Variants in PAK4 observed in about 807,000 individuals in gnomAD.
PAK4 encodes the protein p21 (RAC1) activated kinase 4, also known as serine/threonine-protein kinase PAK 4.
A neutral mutation model predicts 53.5 loss-of-function variants in PAK4; 49 were observed. The observed-to-expected ratio is 0.92, with a 90% CI of 0.73 to 1.16. The LOEUF is 1.16. Ranked by LOEUF, PAK4 falls within the 50% of genes most tolerant of loss-of-function variation. The pLI, the probability that PAK4 is intolerant of heterozygous loss-of-function variation, is 0.00. For missense variants in PAK4, 824 were observed against 850.7 expected (o/e 0.97, Z 0.39); for synonymous variants, 376 against 375.6 (o/e 1.00, Z -0.01).
chr19:39,146,608 G>C (rs1435996750), intron 1 of PAK4, among the ~76,000 whole-genome samples: 1 of 152,196 alleles, frequency 6.6e-6, no homozygotes, highest in Non-Finnish European at 1.5e-5. Context: ...GGGAGGCCAA[G>C]GCAGGAGGAT....
chr19:39,147,059 TTGTCAATTG>T (rs2074011547), intron 1 of PAK4, among the ~76,000 whole-genome samples: 1 of 24,774 alleles, frequency 4.0e-5, no homozygotes, highest in African/African-American at 1.2e-4. Flanking sequence ...GACACTGTCA[TTGTCAATTG>T]ACAATTGTCA....
rs986556945 is a variant in PAK4, at chr19:39,173,227, G to A, written c.514G>A (p.Glu172Lys). ...CAGGGAGGGCTCAGGGGGTCCCCAG[G>A]AGTCCTCCCGGGACAAACGCCCCCT... is the stretch of plus-strand genomic sequence containing the variant. Residue 172 changes from glutamate (E) to lysine (K), a missense_variant, in exon 3 of 9, where the codon GAG (glutamate) becomes AAG (lysine). Coordinates refer to ENST00000358301, the Ensembl canonical transcript of PAK4. The surrounding 1 kb of genome is among the most constrained non-coding windows in gnomAD (Gnocchi z 6.9). 6.4e-7 allele frequency: 1 copy of A among 1,566,806 alleles called. No individual in the cohort carries two copies. Among genetic ancestry groups the A allele is most frequent in the Non-Finnish European group, 8.7e-7 (1 of 1,155,928 alleles).
At chr19:39,174,165 C>T (rs1034485664) in intron 4 of PAK4, among the ~76,000 whole-genome samples, 155 bp downstream of exon 5, 10 of 151,400 alleles carry the variant, frequency 6.6e-5, no homozygotes, top group Non-Finnish European at 1.0e-4. Flanking sequence ...CTCGTCCGCC[C>T]CAGCTGGGTC....
chr19:39,145,630 G>A (rs549294730), intron 1 of PAK4, among the ~76,000 whole-genome samples: 71 of 152,302 alleles, frequency 4.7e-4, no homozygotes, highest in African/African-American at 1.3e-3. Context: ...AGTTACAGCC[G>A]TGATGTGAAG....
rs1366874717 is a variant in PAK4 at position 39,155,727 on chromosome 19, C to T, written c.-22-13805C>T. Among the ~76,000 whole-genome samples, 4 of 152,128 alleles carry T rather than the reference C, an allele frequency of 2.6e-5. No homozygotes were observed. The South Asian group carries it at 6.2e-4, about 24-fold the overall frequency. ...AGCAGCTGGTTAAGGGCACAGACAC[C>T]GGGACAGACATCCAGCCTGGGAGTC... On this transcript the variant is annotated intron_variant, in intron 1 of 8. Transcript: ENST00000358301.
intron 1 of PAK4, among the ~76,000 whole-genome samples, chr19:39,142,431 TAA>T (rs2073925343): frequency 6.6e-6 from 1 of 152,116 alleles, no homozygotes; most frequent in Non-Finnish European, 1.5e-5. Flanking sequence ...AAGTAAAAAT[TAA>T]GTTTTTTTTA....
intron 1 of PAK4, among the ~76,000 whole-genome samples, chr19:39,146,023 T>G (rs2073993432): frequency 6.6e-6 from 1 of 152,236 alleles, no homozygotes; most frequent in African/African-American, 2.4e-5. Flanking sequence ...TGAGGGTTAT[T>G]TCATCCATGC....
intron 7 of PAK4, among the ~76,000 whole-genome samples, chr19:39,177,018 G>A (rs1272924805): frequency 1.3e-5 from 2 of 151,992 alleles, no homozygotes; most frequent in African/African-American, 2.4e-5. Flanking sequence ...ACAGGCACCC[G>A]CCACCATGCC....
downstream of PAK4, chr19:39,181,054 C>T (rs2074695361): frequency 6.6e-6 from 1 of 152,126 alleles, no homozygotes; most frequent in South Asian, 2.1e-4. Context: ...GTTTTGGTGC[C>T]TTCAGTCACT....
At chr19:39,162,593 C>G (rs2074302898) in intron 1 of PAK4, among the ~76,000 whole-genome samples, 1 of 152,072 alleles carries the variant, frequency 6.6e-6, no homozygotes, top group South Asian at 2.1e-4. Context: ...AGAATTCCAG[C>G]CTCCCCTCCC....
chr19:39,175,582 T>C lies in PAK4; in HGVS notation c.1359+144T>C. ...AGCTGGGAACTTCGTCCCTCCCTGG[T>C]GGAGCAGCCCAGAGTCAGGTTCCAG... On this transcript the variant is annotated intron_variant, in intron 6 of 8. Coordinates refer to ENST00000358301, the Ensembl canonical transcript of PAK4. This position sits in a 1 kb window ranked among gnomAD's most constrained non-coding sequence, Gnocchi z 4.7. 1 of 888,908 alleles carries C rather than the reference T, an allele frequency of 1.1e-6. No individual in the cohort carries two copies. Among genetic ancestry groups the C allele is most frequent in the Non-Finnish European group, 1.7e-6 (1 of 588,146 alleles). The allele number at this position is 888,908 out of a possible 1,614,324, so 55.1% of individuals were successfully genotyped here.
chr19:39,157,763 G>A (rs372582528), intron 1 of PAK4, among the ~76,000 whole-genome samples: 1 of 152,242 alleles, frequency 6.6e-6, no homozygotes, highest in African/African-American at 2.4e-5. Context: ...AGGGTGGATT[G>A]CTGCTGTTGC....
intron 1 of PAK4, among the ~76,000 whole-genome samples, chr19:39,134,044 C>T (rs1232507870): frequency 1.3e-5 from 2 of 152,190 alleles, no homozygotes; most frequent in African/African-American, 4.8e-5. Context: ...CTGTCCTTCT[C>T]TCCCGAGGAA....
At chr19:39,139,817 C>T (rs1345270643) in intron 1 of PAK4, among the ~76,000 whole-genome samples, 3 of 152,220 alleles carry the variant, frequency 2.0e-5, no homozygotes, top group Non-Finnish European at 4.4e-5. Flanking sequence ...GGGTCTGGGC[C>T]TTGGGGTTTT....
intron 1 of PAK4, among the ~76,000 whole-genome samples, chr19:39,147,696 C>A (rs1463283389): frequency 6.6e-6 from 1 of 152,128 alleles, no homozygotes; most frequent in African/African-American, 2.4e-5. Context: ...GCAGTGATAA[C>A]TCATTGTGGC....
intron 1 of PAK4, among the ~76,000 whole-genome samples, chr19:39,147,911 A>T (rs1348083626): frequency 1.4e-4 from 3 of 21,718 alleles, no homozygotes; most frequent in Non-Finnish European, 1.8e-4. Context: ...TTTTTTTCTT[A>T]GCCCCACCAG....
chr19:39,126,817 G>A (rs1039007344), intron 1 of PAK4, among the ~76,000 whole-genome samples: 3 of 152,168 alleles, frequency 2.0e-5, no homozygotes, highest in Non-Finnish European at 4.4e-5. Flanking sequence ...CACTCCTGCT[G>A]CAATCTTGTG....
At chr19:39,152,699 G>A (rs186235987) in intron 1 of PAK4, among the ~76,000 whole-genome samples, 29 of 152,308 alleles carry the variant, frequency 1.9e-4, no homozygotes, top group African/African-American at 6.0e-4. Context: ...AAGGCATTAC[G>A]TTTGGGGGGG....
chr19:39,136,180 C>T lies in PAK4; in HGVS notation c.-23+10261C>T, dbSNP rs529947681. 7.5e-5 allele frequency among the ~76,000 whole-genome samples: 11 copies of T among 147,226 alleles called. No homozygotes were observed. In the South Asian group the frequency reaches 2.4e-3, roughly 33 times the overall value. ...TCGTGGCCCCCTAGTTCAAGCCACC[C>T]TCATCTCCCTCCTGGACCATTGAGG... On this transcript the variant is annotated intron_variant, in intron 1 of 8. Coordinates refer to ENST00000358301, the Ensembl canonical transcript of PAK4.
Sources: allele counts gnomAD v4.1 joint callset (sites outside exome capture counted in the v4.1 genomes callset), GRCh38; gene constraint gnomAD v4.1.1; non-coding constraint Gnocchi (gnomAD v3.1); transcripts MANE v1.5; gene names NCBI Gene and HGNC (gene_info 2026-07-23, HGNC 2026-07-21).